The following GPR39 variants were observed in gnomAD, a reference collection of about 807,000 sequenced individuals.
The protein encoded by GPR39 is G protein-coupled receptor 39.
GPR39 carries 23 observed loss-of-function variants against 18.4 expected under a neutral mutation model. The ratio of observed to expected loss-of-function variants is 1.25; its 90% CI spans 0.90 to 1.77. GPR39 has a LOEUF of 1.77. Ranked by LOEUF, GPR39 falls within the 40% of genes most tolerant of loss-of-function variation. The pLI is 0.00. For missense variants in GPR39, 647 were observed against 602.4 expected (o/e 1.07, Z -0.78); for synonymous variants, 280 against 257.9 (o/e 1.09, Z -0.82).
At chr2:132,612,816 C>T (rs1681259312) in intron 1 of GPR39, among the ~76,000 whole-genome samples, 1 of 152,178 alleles carries the variant, frequency 6.6e-6, no homozygotes, top group South Asian at 2.1e-4. Flanking sequence ...TGCATTTCTA[C>T]ATAAATTTTA....
intron 1 of GPR39, among the ~76,000 whole-genome samples, chr2:132,420,706 C>A (rs1679993401): frequency 6.6e-6 from 1 of 152,188 alleles, no homozygotes; most frequent in South Asian, 2.1e-4. Context: ...ATGCTAACTT[C>A]TGCATGACAG....
chr2:132,491,993 G>A (rs993296137), intron 1 of GPR39, among the ~76,000 whole-genome samples: 5 of 150,764 alleles, frequency 3.3e-5, no homozygotes, highest in African/African-American at 9.8e-5. Flanking sequence ...AATTTTCATT[G>A]ATAAAGTAAT....
At chr2:132,469,405 G>A (rs1680988888) in intron 1 of GPR39, among the ~76,000 whole-genome samples, 1 of 152,220 alleles carries the variant, frequency 6.6e-6, no homozygotes, top group South Asian at 2.1e-4. Context: ...ATCCTTGGGA[G>A]TGTGGGTGTG....
At chr2:132,594,644 C>T (rs1407569778) in intron 1 of GPR39, among the ~76,000 whole-genome samples, 1 of 151,902 alleles carries the variant, frequency 6.6e-6, no homozygotes, top group Non-Finnish European at 1.5e-5. Context: ...TGTTTTAGAT[C>T]CTGAGTAATC....
At chr2:132,591,257 C>CA (rs747314988) in intron 1 of GPR39, among the ~76,000 whole-genome samples, 391 of 24,016 alleles carry the variant, frequency 0.016, 10 homozygotes, top group South Asian at 0.024. Context: ...GACTCCGTCT[C>CA]AAAAAAAAAA....
intron 1 of GPR39, among the ~76,000 whole-genome samples, chr2:132,626,371 A>T (rs1437803165): frequency 6.6e-6 from 1 of 152,204 alleles, no homozygotes; most frequent in Non-Finnish European, 1.5e-5. Context: ...TGCTGATGAT[A>T]GTGGCTCAGC....
chr2:132,550,832 T>C (rs1477042830), intron 1 of GPR39, among the ~76,000 whole-genome samples: 1 of 152,226 alleles, frequency 6.6e-6, no homozygotes, highest in Non-Finnish European at 1.5e-5. Flanking sequence ...TCCAGACTAT[T>C]TTTATAATGC....
chr2:132,531,315 A>C (rs1444479993), intron 1 of GPR39, among the ~76,000 whole-genome samples: 6 of 152,350 alleles, frequency 3.9e-5, no homozygotes, highest in South Asian at 2.1e-4. Context: ...TATCCTAAAT[A>C]TATATGCACC....
In GPR39 at chr2:132,421,439, G is replaced by C. The variant is rs182092352; in HGVS notation, c.856+3541G>C. ...GTGATTGGCTTTCAACTATAGTTATGAAAAAAGATTTTACAGACAGTCATG... is the reference window on the plus strand; with the variant it reads ...GTGATTGGCTTTCAACTATAGTTATCAAAAAAGATTTTACAGACAGTCATG... On this transcript the variant is annotated intron_variant, in intron 1 of 1. Coordinates refer to ENST00000329321, the MANE Select transcript of GPR39 (RefSeq NM_001508.3). Among the ~76,000 whole-genome samples, 690 of 144,360 alleles carry C rather than the reference G, an allele frequency of 4.8e-3. 5 individuals carry two copies. Among genetic ancestry groups the C allele is most frequent in the African/African-American group, 0.017 (645 of 38,498 alleles). The allele number at this position is 144,360 out of a possible 152,430, so 94.7% of individuals were successfully genotyped here.
At chr2:132,543,332 C>A (rs557289191) in intron 1 of GPR39, among the ~76,000 whole-genome samples, 1 of 152,088 alleles carries the variant, frequency 6.6e-6, no homozygotes, top group African/African-American at 2.4e-5. Flanking sequence ...CTTCCCTTAC[C>A]GTGTATGTGT....
chr2:132,477,784 T>C (rs1479258520), intron 1 of GPR39, among the ~76,000 whole-genome samples: 1 of 152,244 alleles, frequency 6.6e-6, no homozygotes, highest in Admixed American at 6.5e-5. Flanking sequence ...ATATTAAGTA[T>C]ATTACAAAGT....
chr2:132,433,724 CAA>C (rs1451577397), intron 1 of GPR39: 1 of 148,536 alleles, frequency 6.7e-6, no homozygotes, highest in Non-Finnish European at 1.5e-5. Flanking sequence ...AAGTATTTTG[CAA>C]AAAGTGTGAG....
chr2:132,464,343 G>T (rs918073414), intron 1 of GPR39, among the ~76,000 whole-genome samples: 1 of 152,198 alleles, frequency 6.6e-6, no homozygotes, highest in African/African-American at 2.4e-5. Flanking sequence ...AGAGAAGCTC[G>T]TGTGCAGGAT....
At chr2:132,573,634 G>A (rs747005231) in intron 1 of GPR39, among the ~76,000 whole-genome samples, 2 of 152,054 alleles carry the variant, frequency 1.3e-5, no homozygotes, top group African/African-American at 2.4e-5. Flanking sequence ...TGAACTTCAA[G>A]ATCCATCCCC....
intron 1 of GPR39, among the ~76,000 whole-genome samples, chr2:132,477,700 A>G (rs1005437210): frequency 1.2e-4 from 18 of 152,210 alleles, no homozygotes; most frequent in African/African-American, 4.3e-4. Context: ...TGTAGTTTCA[A>G]CAGAGACCAT....
At chr2:132,435,688 C>T (rs111741505) in intron 1 of GPR39, among the ~76,000 whole-genome samples, 2,115 of 152,230 alleles carry the variant, frequency 0.014, 48 homozygotes, top group African/African-American at 0.047. Context: ...CTCAAGAGAA[C>T]TTGGTTCTAG....
chr2:132,510,961 G>A (rs976650614), intron 1 of GPR39, among the ~76,000 whole-genome samples: 7 of 152,022 alleles, frequency 4.6e-5, no homozygotes, highest in South Asian at 2.1e-4. Context: ...CTGAATTTTC[G>A]TTTATTCAGA....
chr2:132,608,716 C>G (rs1020322957), intron 1 of GPR39, among the ~76,000 whole-genome samples: 1 of 152,144 alleles, frequency 6.6e-6, no homozygotes, highest in Non-Finnish European at 1.5e-5. Flanking sequence ...TTCAGTCACC[C>G]TAGGGCCCCT....
intron 1 of GPR39, among the ~76,000 whole-genome samples, chr2:132,556,575 G>A (rs755316867): frequency 2.8e-4 from 42 of 152,108 alleles, no homozygotes; most frequent in Non-Finnish European, 4.6e-4. Flanking sequence ...AAACAAAGGC[G>A]GTCAAATGCC....
Sources: gnomAD v4.1 joint callset for allele counts (sites outside exome capture counted in the v4.1 genomes callset) on GRCh38, gnomAD v4.1.1 for gene constraint, MANE v1.5 for transcripts, NCBI Gene and HGNC (gene_info 2026-07-23, HGNC 2026-07-21) for gene names.